The following NSDHL variants were observed in gnomAD, a reference collection of about 807,000 sequenced individuals.
The protein encoded by NSDHL is sterol-4-alpha-carboxylate 3-dehydrogenase, decarboxylating.
A neutral mutation model predicts 23.0 loss-of-function variants in NSDHL; 1 was observed. That is an observed-to-expected ratio of 0.04 (90% CI 0.02 to 0.21). The LOEUF is 0.21. Ranked by LOEUF, NSDHL falls within the 10% of genes least tolerant of loss-of-function variation. NSDHL has a pLI of 1.00. For synonymous variants in NSDHL, 128 were observed against 121.1 expected (o/e 1.06, Z -0.37); for missense variants, 237 against 300.9 (o/e 0.79, Z 1.57).
chrX:152,855,134 A>G (rs1933423780), intron 3 of NSDHL, among the ~76,000 whole-genome samples: 1 of 108,168 alleles, frequency 9.2e-6, no homozygotes, highest in Admixed American at 1.0e-4. Context: ...AGCTGGGATT[A>G]CAGGCGCCCA....
intron 7 of NSDHL, 61 bp downstream of exon 7, chrX:152,867,734 A>G: frequency 3.5e-6 from 3 of 863,192 alleles, no homozygotes; most frequent in Middle Eastern, 2.9e-4. Flanking sequence ...TCTCCTTGCC[A>G]TTGGATTTGC....
chrX:152,859,686 A>G (rs1279215165), intron 4 of NSDHL, among the ~76,000 whole-genome samples: 2 of 112,574 alleles, frequency 1.8e-5, no homozygotes, highest in Non-Finnish European at 3.7e-5. Flanking sequence ...TGTTATGAAC[A>G]CAAGTGTACA....
At chrX:152,854,345 T>C (rs1933406343) in intron 3 of NSDHL, among the ~76,000 whole-genome samples, 1 of 112,107 alleles carries the variant, frequency 8.9e-6, no homozygotes, top group Non-Finnish European at 1.9e-5. Flanking sequence ...CTAAGCTAAG[T>C]CCAAGGTCGA....
intron 1 of NSDHL, among the ~76,000 whole-genome samples, chrX:152,838,464 C>T (rs879985395): frequency 8.9e-6 from 1 of 111,744 alleles, no homozygotes; most frequent in Non-Finnish European, 1.9e-5. Flanking sequence ...CTACGCACTG[C>T]TTTAAATGTG....
chrX:152,835,431 T>G (rs1333489763), intron 1 of NSDHL, among the ~76,000 whole-genome samples: 1 of 109,274 alleles, frequency 9.2e-6, no homozygotes, highest in Admixed American at 9.8e-5. Context: ...TAGGTATATC[T>G]CCTAATGCTA....
intron 4 of NSDHL, among the ~76,000 whole-genome samples, chrX:152,861,359 C>G (rs1409147124): frequency 3.5e-5 from 4 of 113,005 alleles, no homozygotes; most frequent in African/African-American, 6.4e-5. Flanking sequence ...TGGGCCTGTT[C>G]CCAGGCTCTC....
chrX:152,843,378 C>T (rs149040784), intron 1 of NSDHL, among the ~76,000 whole-genome samples: 35 of 112,280 alleles, frequency 3.1e-4, no homozygotes, highest in African/African-American at 1.0e-3. Context: ...CTTAGAAAAG[C>T]AGAAATGTGT....
At position 152,865,815 on chromosome X, in the gene NSDHL, C is replaced by T. The variant is rs1602942161; in HGVS notation, c.544-4C>T. 1 of 1,212,454 alleles carries T rather than the reference C, an allele frequency of 8.2e-7. No individual in the cohort carries two copies. On this transcript the variant is annotated splice_region_variant and splice_polypyrimidine_tract_variant and intron_variant, in intron 5 of 7. Coordinates refer to ENST00000370274, the MANE Select transcript of NSDHL (RefSeq NM_015922.3). ...GACGTGCCCCTTCTCCCACTCTCCTCCAGGCAGTTCTGGGCGCCAACGATC... is the reference window on the plus strand; with the variant it reads ...GACGTGCCCCTTCTCCCACTCTCCTTCAGGCAGTTCTGGGCGCCAACGATC...
intron 3 of NSDHL, among the ~76,000 whole-genome samples, chrX:152,856,970 G>A (rs185057823): frequency 2.7e-4 from 30 of 112,570 alleles, no homozygotes; most frequent in Non-Finnish European, 4.5e-4. Context: ...GCTTGAGCCC[G>A]GGAGGCAGAG....
chrX:152,841,890 C>T (rs1270640601), intron 1 of NSDHL, among the ~76,000 whole-genome samples: 9 of 112,076 alleles, frequency 8.0e-5, no homozygotes, highest in Non-Finnish European at 1.7e-4. Flanking sequence ...TCACCCCATC[C>T]GCCTTCAGAA....
intron 4 of NSDHL, among the ~76,000 whole-genome samples, chrX:152,859,800 C>T (rs1933499074): frequency 8.9e-6 from 1 of 112,374 alleles, no homozygotes; most frequent in Non-Finnish European, 1.9e-5. Context: ...GAGGAGCCAC[C>T]ACATTGTTTT....
intron 5 of NSDHL, 49 bp from the exon 6 acceptor site, chrX:152,865,770 G>A (rs370735990): frequency 1.7e-6 from 2 of 1,205,848 alleles, no homozygotes; most frequent in African/African-American, 3.5e-5. Flanking sequence ...CTCTTGGCTT[G>A]GGCCTAGGAA....
chrX:152,837,899 G>A (rs1392349144), intron 1 of NSDHL, among the ~76,000 whole-genome samples: 1 of 111,834 alleles, frequency 8.9e-6, no homozygotes, highest in Non-Finnish European at 1.9e-5. Context: ...ACCTCTGGTA[G>A]AATTCGGCTG....
intron 4 of NSDHL, among the ~76,000 whole-genome samples, chrX:152,862,238 A>T (rs782629087): frequency 4.7e-4 from 53 of 112,364 alleles, no homozygotes; most frequent in Non-Finnish European, 9.4e-4. Flanking sequence ...GCTGCCCTTC[A>T]CTTACAACAG....
intron 3 of NSDHL, among the ~76,000 whole-genome samples, chrX:152,852,707 C>A (rs781970945): frequency 9.0e-6 from 1 of 111,151 alleles, no homozygotes; most frequent in Non-Finnish European, 1.9e-5. Context: ...TGCCCACATC[C>A]ACGTCTCTAC....
rs782634753 is a variant in NSDHL at position 152,846,417 on chromosome X, G to T, written c.93G>T (p.Lys31Asn). ...CCAAAGTGAATGCTGACATAGAAAAGGTTAACCAGAATCAGGTAAGGAGAA... is the reference window on the plus strand; with the variant it reads ...CCAAAGTGAATGCTGACATAGAAAATGTTAACCAGAATCAGGTAAGGAGAA... ...DTPKVNADIE[K>N]VNQNQAKRCT... The change falls in exon 2 of 8, where the codon AAG (lysine) becomes AAT (asparagine). Residue 31 changes from lysine to asparagine, a missense_variant. This residue lies in a region of NSDHL where 81 missense variants were observed against 103.3 expected (regional missense o/e 0.78). Transcript: ENST00000370274. 15 of 1,192,569 alleles carry T rather than the reference G, an allele frequency of 1.3e-5. No homozygotes were observed. Among genetic ancestry groups the T allele is most frequent in the African/African-American group, 3.5e-5 (2 of 57,046 alleles).
At chrX:152,868,082 C>T (rs908987283) in intron 7 of NSDHL, among the ~76,000 whole-genome samples, 2 of 110,274 alleles carry the variant, frequency 1.8e-5, no homozygotes, top group Admixed American at 1.9e-4. Context: ...GAACCTCTGC[C>T]GTTTCCCCAC....
chrX:152,850,601 C>T (rs1933341837), intron 3 of NSDHL, among the ~76,000 whole-genome samples, 178 bp downstream of exon 3: 1 of 112,390 alleles, frequency 8.9e-6, no homozygotes. Flanking sequence ...ACCATCATCT[C>T]TGTCACAGAT....
intron 5 of NSDHL, among the ~76,000 whole-genome samples, chrX:152,864,138 T>C (rs1437088136): frequency 1.8e-5 from 2 of 111,823 alleles, no homozygotes; most frequent in African/African-American, 3.3e-5. Context: ...CTCGAACTCC[T>C]GACCTCATGA....
Sources: allele counts gnomAD v4.1 joint callset (sites outside exome capture counted in the v4.1 genomes callset), GRCh38; gene constraint gnomAD v4.1.1; regional missense constraint gnomAD v4.1.1; transcripts MANE v1.5; gene names NCBI Gene and HGNC (gene_info 2026-07-23, HGNC 2026-07-21).